Variants in CLIC5 observed in about 807,000 individuals in gnomAD.
CLIC5 encodes the protein chloride intracellular channel protein 5.
CLIC5 carries 20 observed loss-of-function variants against 24.7 expected under a neutral mutation model. The ratio of observed to expected loss-of-function variants is 0.81; its 90% confidence interval spans 0.57 to 1.18. The LOEUF is 1.18. CLIC5 is among the 50% of genes most tolerant of loss of function. CLIC5 has a pLI of 0.00. For missense variants in CLIC5, 341 were observed against 326.1 expected (o/e 1.05, Z -0.35); for synonymous variants, 159 against 135.6 (o/e 1.17, Z -1.20).
chr6:46,002,289 T>C (rs1472085880), intron 1 of CLIC5, among the ~76,000 whole-genome samples: 2 of 152,210 alleles, frequency 1.3e-5, no homozygotes, highest in Non-Finnish European at 2.9e-5. Context: ...TATCTGTAAA[T>C]GACTCTAGGT....
At chr6:45,935,746 G>A (rs1350293376) in intron 4 of CLIC5, among the ~76,000 whole-genome samples, 2 of 152,164 alleles carry the variant, frequency 1.3e-5, no homozygotes, top group Non-Finnish European at 2.9e-5. Flanking sequence ...TAAGGGAGCA[G>A]GGTTTGTGCT....
the CLIC5 span, chr6:46,097,241 T>C: frequency 6.6e-6 from 1 of 152,192 alleles, no homozygotes; most frequent in Non-Finnish European, 1.5e-5. Context: ...TGACTAGATA[T>C]GTAGGTAAAA....
intron 1 of CLIC5, among the ~76,000 whole-genome samples, chr6:46,059,184 A>G (rs969312717): frequency 9.9e-5 from 15 of 152,214 alleles, no homozygotes; most frequent in African/African-American, 3.6e-4. Flanking sequence ...AAATCCACTT[A>G]CCAATGCAAA....
chr6:46,034,757 C>T (rs529248609), intron 1 of CLIC5, among the ~76,000 whole-genome samples: 12 of 152,220 alleles, frequency 7.9e-5, no homozygotes, highest in Non-Finnish European at 1.5e-4. Flanking sequence ...GCACTGTGCT[C>T]TTTCAACTTC....
upstream of CLIC5, among the ~76,000 whole-genome samples, chr6:46,081,487 G>C (rs954218042): frequency 2.0e-5 from 3 of 152,152 alleles, no homozygotes; most frequent in Non-Finnish European, 4.4e-5. Context: ...CTGGGAATTA[G>C]AGCAGCATTT....
chr6:45,902,272 A>T lies in CLIC5; in HGVS notation c.*816T>A, dbSNP rs1012259857. ...CCAGGCCTGTAATCACCTCTGAAAC[A>T]ACTACTCCTAAGCAAGCAAACCCCA... is the stretch of plus-strand genomic sequence containing the variant. On this transcript the variant is annotated 3_prime_UTR_variant, in exon 6 of 6. Transcript: ENST00000339561. The T allele has an allele frequency of 1.3e-5, 2 of 152,810 alleles. No individual in the cohort carries two copies. Among genetic ancestry groups the T allele is most frequent in the Non-Finnish European group, 2.9e-5 (2 of 68,156 alleles). 9.5% of individuals were successfully genotyped at this position (152,810 alleles called of 1,614,324 possible). A position where few individuals can be genotyped will look rare whatever the true frequency, so the allele number is the denominator to read the frequency against.
chr6:45,967,880 G>A (rs562068826), intron 1 of CLIC5, among the ~76,000 whole-genome samples: 1 of 152,156 alleles, frequency 6.6e-6, no homozygotes. Flanking sequence ...CCATGGGGAG[G>A]GCACAAAGTC....
At chr6:45,890,756 A>T (rs143018102) in intron 6 of CLIC5, among the ~76,000 whole-genome samples, 1 of 152,314 alleles carries the variant, frequency 6.6e-6, no homozygotes, top group Non-Finnish European at 1.5e-5. Flanking sequence ...CAAAACAGGA[A>T]ATGGTGTCAT....
At chr6:45,911,540 T>A in intron 5 of CLIC5, 14 of 903,420 alleles carry the variant, frequency 1.5e-5, no homozygotes, top group Non-Finnish European at 1.9e-5. Flanking sequence ...TTTATCAGAG[T>A]GGATGAAAAG....
intron 5 of CLIC5, among the ~76,000 whole-genome samples, chr6:45,906,060 A>G (rs1343703778): frequency 6.6e-6 from 1 of 152,122 alleles, no homozygotes; most frequent in Non-Finnish European, 1.5e-5. Context: ...TTTCTGTTCC[A>G]TTCATCTATG....
intron 4 of CLIC5, chr6:45,932,893 G>A (rs1763792804): frequency 6.6e-6 from 1 of 152,228 alleles, no homozygotes; most frequent in South Asian, 2.1e-4. Context: ...AGATGAGGAA[G>A]GGAAATGAGA....
intron 1 of CLIC5, among the ~76,000 whole-genome samples, chr6:46,036,122 C>T (rs999676720): frequency 1.2e-4 from 18 of 152,164 alleles, no homozygotes; most frequent in African/African-American, 3.9e-4. Flanking sequence ...TCTCAAATCC[C>T]ACCTTGCTTG....
At position 45,979,259 on chromosome 6, in the gene CLIC5, C is replaced by A. The variant is rs368969930; in HGVS notation, c.64-24015G>T. ...TTATATGTGCTAACTGAAGACCAAT[C>A]TTCAAAGTTCAGGGGAAGGGGCATT... On this transcript the variant is annotated intron_variant, in intron 1 of 5. Transcript: ENST00000339561. Among the ~76,000 whole-genome samples, 104 of 152,312 alleles carry A rather than the reference C, an allele frequency of 6.8e-4. 1 individual carries two copies. In the South Asian group the frequency reaches 0.019, roughly 28 times the overall value.
chr6:45,955,776 T>A (rs1002589252), intron 1 of CLIC5, among the ~76,000 whole-genome samples: 1 of 150,004 alleles, frequency 6.7e-6, no homozygotes, highest in Non-Finnish European at 1.5e-5. Flanking sequence ...TATAAATATC[T>A]CAGACTTTGA....
chr6:46,042,013 C>T (rs955752529), intron 1 of CLIC5, among the ~76,000 whole-genome samples: 1 of 152,154 alleles, frequency 6.6e-6, no homozygotes, highest in Non-Finnish European at 1.5e-5. Context: ...GTTTCATTAT[C>T]TATATAATGG....
intron 4 of CLIC5, among the ~76,000 whole-genome samples, chr6:45,926,397 G>A (rs954404405): frequency 6.6e-5 from 10 of 150,874 alleles, no homozygotes; most frequent in African/African-American, 2.4e-4. Context: ...ACAGGCACCC[G>A]CCACCACACC....
At position 45,919,059 on chromosome 6, in the gene CLIC5, C is replaced by T. The variant is rs567173137; in HGVS notation, c.407-4650G>A. 102 of 985,454 alleles carry T rather than the reference C, an allele frequency of 1.0e-4. No homozygotes were observed. The African/African-American group carries it at 1.7e-3, about 17-fold the overall frequency. The allele number at this position is 985,454 out of a possible 1,614,324, so 61.0% of individuals were successfully genotyped here. The stretch of plus-strand genomic sequence containing the variant: ...CAACTGCTATGGTCTTCCTTACAAG[C>T]TCCTAACCTCTGGGTGGTGGAAAAA... On this transcript the variant is annotated intron_variant, in intron 4 of 5. Transcript: ENST00000339561.
At chr6:46,124,390 C>G in the CLIC5 span, among the ~76,000 whole-genome samples, 1 of 152,186 alleles carries the variant, frequency 6.6e-6, no homozygotes, top group Admixed American at 6.5e-5. Flanking sequence ...ATGTAGAAAG[C>G]TGAAACTGGA....
intron 1 of CLIC5, among the ~76,000 whole-genome samples, chr6:46,074,122 C>T (rs9381419): frequency 0.084 from 12,769 of 152,156 alleles, 721 homozygotes; most frequent in Admixed American, 0.12. Flanking sequence ...CAATATAAAA[C>T]ATTTACCCAC....
Sources: gnomAD v4.1 joint callset for allele counts (sites outside exome capture counted in the v4.1 genomes callset) on GRCh38, gnomAD v4.1.1 for gene constraint, MANE v1.5 for transcripts, NCBI Gene and HGNC (gene_info 2026-07-23, HGNC 2026-07-21) for gene names.